OSBPL3: variants seen among roughly 807,000 people sequenced by gnomAD.
The protein encoded by OSBPL3 is oxysterol-binding protein-related protein 3.
In OSBPL3, 65 loss-of-function variants were observed where a neutral mutation model predicts 120.1. The observed-to-expected ratio is 0.54, with a 90% CI of 0.44 to 0.67. OSBPL3 has a LOEUF of 0.67. OSBPL3 is among the 30% of genes least tolerant of loss of function. The pLI, the probability that OSBPL3 is intolerant of heterozygous loss-of-function variation, is 0.00. For synonymous variants in OSBPL3, 416 were observed against 402.6 expected, an observed-to-expected ratio of 1.03 and a Z score of -0.40; for missense variants, 1,004 against 1,082.1, an observed-to-expected ratio of 0.93 and a Z score of 1.01.
rs914580701 is a variant in OSBPL3 at position 24,940,547 on chromosome 7, G to C, written c.-150+39339C>G. 6.6e-6 allele frequency among the ~76,000 whole-genome samples: 1 copy of C among 152,076 alleles called. No individual in the cohort carries two copies. The highest frequency in any genetic ancestry group is 1.5e-5 in the Non-Finnish European group (1 of 68,020). On this transcript the variant is annotated intron_variant, in intron 1 of 22. Coordinates refer to ENST00000313367, the MANE Select transcript of OSBPL3 (RefSeq NM_015550.4). This position sits in a 1 kb window ranked among gnomAD's most constrained non-coding sequence, Gnocchi z 4.4. ...GAGAGAAAGCAGATGGGAAAGACAG[G>C]GGCCGTGATGGAGGAAAGGGTATTT...
chr7:24,914,638 T>C (rs1481209222), intron 1 of OSBPL3, among the ~76,000 whole-genome samples: 1 of 152,152 alleles, frequency 6.6e-6, no homozygotes, highest in Non-Finnish European at 1.5e-5. Flanking sequence ...GGCTGGTGTA[T>C]ATCTGAGTCA....
At position 24,834,706 on chromosome 7, in the gene OSBPL3, T is replaced by C; in HGVS notation, c.1526A>G (p.Lys509Arg). The change falls in exon 15 of 23, where the codon AAG (lysine) becomes AGG (arginine). Residue 509 changes from lysine (K) to arginine (R), a missense_variant. Physicochemically the swap from Lys to Arg is conservative, Grantham distance 26. Transcript: ENST00000313367. The surrounding 1 kb of genome is among the most constrained non-coding windows in gnomAD (Gnocchi z 5.2). ...CGGCAGGCACGTTCTTCTCCGGGAC[T>C]TCGCTTCCCGACCACTATCAAGGAC... ...GPVLDSGREA[K>R]SRRRTCLPAP... is the part of the protein sequence containing the mutation. 6.2e-7 allele frequency: 1 copy of C among 1,613,000 alleles called. No individual in the cohort carries two copies.
At chr7:24,850,250 G>C (rs1798978599) in intron 11 of OSBPL3, among the ~76,000 whole-genome samples, 2 of 152,184 alleles carry the variant, frequency 1.3e-5, no homozygotes, top group Admixed American at 6.5e-5. Context: ...TAGGAGGAAA[G>C]TGGCTGAAAG....
rs1201336714 is a variant in OSBPL3 at position 24,938,975 on chromosome 7, A to C, written c.-150+40911T>G. On this transcript the variant is annotated intron_variant, in intron 1 of 22. Transcript: ENST00000313367. The surrounding 1 kb of genome is among the most constrained non-coding windows in gnomAD (Gnocchi z 5.8). The stretch of plus-strand genomic sequence containing the variant: ...GATGCAGAACACAAGAACAAATGAA[A>C]CAGAGTGCAAGGGGTAGGAATCAGT... Among the ~76,000 whole-genome samples the C allele has an allele frequency of 6.6e-6, 1 of 152,170 alleles. No individual in the cohort carries two copies. The highest frequency in any genetic ancestry group is 1.5e-5 in the Non-Finnish European group (1 of 68,038).
chr7:24,800,385 G>A (rs1792157003), intron 22 of OSBPL3, 106 bp from the exon 23 acceptor site: 3 of 650,988 alleles, frequency 4.6e-6, no homozygotes, highest in Non-Finnish European at 8.5e-6. Context: ...ATTCCCACAT[G>A]CATTCAGCGT....
rs1231283458 is a variant in OSBPL3, at chr7:24,894,960, C to T, written c.-149-2339G>A. Among the ~76,000 whole-genome samples, 1 of 152,144 alleles carries T rather than the reference C, an allele frequency of 6.6e-6. No individual in the cohort carries two copies. The highest frequency in any genetic ancestry group is 1.5e-5 in the Non-Finnish European group (1 of 68,032). ...AGAGCCAAGGGCTCTGCCAGCATGA[C>T]CCCCTGGTGACCCCTACCCCTGTCT... On this transcript the variant is annotated intron_variant, in intron 1 of 22. Transcript: ENST00000313367. This position sits in a 1 kb window ranked among gnomAD's most constrained non-coding sequence, Gnocchi z 4.1.
In OSBPL3 at chr7:24,881,339, C is replaced by G. The variant is rs542375008; in HGVS notation, c.97-9270G>C. The stretch of plus-strand genomic sequence containing the variant: ...TAAGATCTCAGAGAACTTTACAAAT[C>G]AAAGAAGGAATGACTTTAGTGCCAA... On this transcript the variant is annotated intron_variant, in intron 2 of 22. Coordinates refer to ENST00000313367, the MANE Select transcript of OSBPL3 (RefSeq NM_015550.4). This position sits in a 1 kb window ranked among gnomAD's most constrained non-coding sequence, Gnocchi z 4.3. 6.6e-6 allele frequency among the ~76,000 whole-genome samples: 1 copy of G among 152,164 alleles called. No individual in the cohort carries two copies. Among genetic ancestry groups the G allele is most frequent in the African/African-American group, 2.4e-5 (1 of 41,486 alleles).
In OSBPL3 at chr7:24,922,747, C is replaced by T. The variant is rs1035249264; in HGVS notation, c.-149-30126G>A. On this transcript the variant is annotated intron_variant, in intron 1 of 22. Transcript: ENST00000313367. This position sits in a 1 kb window ranked among gnomAD's most constrained non-coding sequence, Gnocchi z 4.3. The stretch of plus-strand genomic sequence containing the variant: ...TGAACTCTGTTCTTTGCACGTAATC[C>T]CCTAGTCCTGCTTCAGGCTTCAGGT... Among the ~76,000 whole-genome samples the T allele has an allele frequency of 6.6e-6, 1 of 152,094 alleles. No individual in the cohort carries two copies. The highest frequency in any genetic ancestry group is 2.4e-5 in the African/African-American group (1 of 41,396).
chr7:24,839,975 A>C (rs1011180352), intron 14 of OSBPL3, among the ~76,000 whole-genome samples: 21 of 124,092 alleles, frequency 1.7e-4, no homozygotes, highest in African/African-American at 6.4e-4. Flanking sequence ...TGGGGACAGA[A>C]AGAGACTCCA....
At chr7:24,895,369 T>C (rs905119022) in intron 1 of OSBPL3, among the ~76,000 whole-genome samples, 7 of 152,198 alleles carry the variant, frequency 4.6e-5, no homozygotes, top group African/African-American at 1.7e-4. Context: ...TACAGGTTTG[T>C]AGCCTGGGAG....
In OSBPL3 at chr7:24,809,960, C is replaced by T. The variant is rs1332645856; in HGVS notation, c.2173-9G>A. On this transcript the variant is annotated splice_polypyrimidine_tract_variant and intron_variant, in intron 19 of 22. Transcript: ENST00000313367. ...GTGCTCCAGTATTTTGCCTAGGATT[C>T]AAATGAGTTGTTGGCTTAGTCCTTT... 2 of 1,614,056 alleles carry T rather than the reference C, an allele frequency of 1.2e-6. No individual in the cohort carries two copies. The highest frequency in any genetic ancestry group is 3.3e-5 in the Admixed American group (2 of 60,028).
chr7:24,870,727 C>T lies in OSBPL3; in HGVS notation c.381+5G>A, dbSNP rs753508487. ...TGAACTCTGCACAGTGGGAAGCAGC[C>T]TCACCTTCAGATGGTAGATGTGCTC... On this transcript the variant is annotated splice_donor_5th_base_variant and intron_variant, in intron 5 of 22. Transcript: ENST00000313367. The T allele has an allele frequency of 6.4e-7, 1 of 1,553,144 alleles. No individual in the cohort carries two copies. The highest frequency in any genetic ancestry group is 8.9e-7 in the Non-Finnish European group (1 of 1,124,232).
Position 24,872,140 on chromosome 7 carries a change from T to A in OSBPL3, c.97-71A>T. 1 of 1,060,192 alleles carries A rather than the reference T, an allele frequency of 9.4e-7. No individual in the cohort carries two copies. Among genetic ancestry groups the A allele is most frequent in the Non-Finnish European group, 1.5e-6 (1 of 682,778 alleles). The allele number at this position is 1,060,192 out of a possible 1,614,324, so 65.7% of individuals were successfully genotyped here. ...AATAATAATGGTAAAAAGCACTGCA[T>A]CCTGTCAGTAAATTTATTCAAGATG... On this transcript the variant is annotated intron_variant, in intron 2 of 22. Transcript: ENST00000313367. This position sits in a 1 kb window ranked among gnomAD's most constrained non-coding sequence, Gnocchi z 4.1.
intron 2 of OSBPL3, among the ~76,000 whole-genome samples, chr7:24,889,786 T>C (rs1805069837): frequency 6.6e-6 from 1 of 152,174 alleles, no homozygotes; most frequent in Non-Finnish European, 1.5e-5. Context: ...AATCTGAAAC[T>C]GTGGAGGGGG....
chr7:24,977,063 C>A (rs1263551552), intron 1 of OSBPL3, among the ~76,000 whole-genome samples: 2 of 145,126 alleles, frequency 1.4e-5, no homozygotes, highest in Non-Finnish European at 2.9e-5. Flanking sequence ...CAGTTTCTAA[C>A]TCTCTACTCT....
chr7:24,935,305 ACTACAATTAGG>A (rs1812277271), intron 1 of OSBPL3, among the ~76,000 whole-genome samples: 1 of 152,196 alleles, frequency 6.6e-6, no homozygotes, highest in African/African-American at 2.4e-5. Context: ...ATATTGGCAC[ACTACAATTAGG>A]CTACACAGTT....
intron 14 of OSBPL3, among the ~76,000 whole-genome samples, chr7:24,839,792 C>T (rs1035324432): frequency 5.3e-5 from 8 of 151,740 alleles, no homozygotes; most frequent in African/African-American, 1.9e-4. Context: ...AGTTCAAGAC[C>T]AGCCTGGGTA....
Position 24,937,287 on chromosome 7 carries a change from C to T in OSBPL3, c.-150+42599G>A, listed in dbSNP as rs1052469153. Among the ~76,000 whole-genome samples, 2 of 152,286 alleles carry T rather than the reference C, an allele frequency of 1.3e-5. No homozygotes were observed. Among genetic ancestry groups the T allele is most frequent in the South Asian group, 2.1e-4 (1 of 4,822 alleles). On this transcript the variant is annotated intron_variant, in intron 1 of 22. Transcript: ENST00000313367. This position sits in a 1 kb window ranked among gnomAD's most constrained non-coding sequence, Gnocchi z 4.0. ...CTCCCACCAGGTCCCTCCCACAACA[C>T]GTGGGGATTATGGGAACTACAATTC...
chr7:24,934,929 C>T (rs148799584), intron 1 of OSBPL3, among the ~76,000 whole-genome samples: 2 of 152,110 alleles, frequency 1.3e-5, no homozygotes, highest in African/African-American at 4.8e-5. Flanking sequence ...TTACATAATG[C>T]ATTTTCTTAA....
Sources: gnomAD v4.1 joint callset for allele counts (sites outside exome capture counted in the v4.1 genomes callset) on GRCh38, gnomAD v4.1.1 for gene constraint, Gnocchi (gnomAD v3.1) non-coding constraint, MANE v1.5 for transcripts, NCBI Gene and HGNC (gene_info 2026-07-23, HGNC 2026-07-21) for gene names.